Variants in ATP6V0E1 observed in about 807,000 individuals in gnomAD.
ATP6V0E1 encodes the protein V-type proton ATPase subunit e 1.
A neutral mutation model predicts 11.6 loss-of-function variants in ATP6V0E1; 4 were observed. That is an observed-to-expected ratio of 0.35 (90% confidence interval 0.17 to 0.79). The LOEUF is 0.79. Among genes scored for constraint, ATP6V0E1 ranks in the 30% least tolerant of loss-of-function variants. The pLI, the probability that ATP6V0E1 is intolerant of heterozygous loss-of-function variation, is 0.54. For missense variants in ATP6V0E1, 105 were observed against 100.0 expected (o/e 1.05, Z -0.21); for synonymous variants, 36 against 34.8 (o/e 1.04, Z -0.13).
At chr5:172,986,669 C>A in intron 1 of ATP6V0E1, 1 of 445,076 alleles carries the variant, frequency 2.2e-6, no homozygotes, top group South Asian at 1.6e-5. Flanking sequence ...GGGGAAGAGG[C>A]TGCAGGCACC....
At chr5:173,009,569 AT>A (rs1756285339) in intron 2 of ATP6V0E1, among the ~76,000 whole-genome samples, 1 of 144,182 alleles carries the variant, frequency 6.9e-6, no homozygotes, top group Non-Finnish European at 1.5e-5. Context: ...TGTTCAAGTG[AT>A]TCTCGTGCCT....
intron 2 of ATP6V0E1, among the ~76,000 whole-genome samples, chr5:172,998,597 GA>G (rs1183336785): frequency 7.1e-6 from 1 of 141,556 alleles, no homozygotes; most frequent in African/African-American, 2.7e-5. Flanking sequence ...GCATCAGAGT[GA>G]GACTCCATCT....
chr5:173,012,925 C>T (rs1326205599), intron 2 of ATP6V0E1, among the ~76,000 whole-genome samples: 1 of 152,108 alleles, frequency 6.6e-6, no homozygotes, highest in Non-Finnish European at 1.5e-5. Context: ...GTAATCCCAG[C>T]ACTTTGGGAG....
intron 3 of ATP6V0E1, among the ~76,000 whole-genome samples, chr5:173,027,254 G>A (rs1436562022): frequency 1.4e-5 from 2 of 145,096 alleles, no homozygotes; most frequent in Non-Finnish European, 3.0e-5. Context: ...TTGGGAGGCC[G>A]AGGCGGGTGG....
chr5:173,020,785 G>A (rs367721000), intron 3 of ATP6V0E1: 1 of 519,378 alleles, frequency 1.9e-6, no homozygotes, highest in Admixed American at 1.9e-5. Context: ...TACACTGCTG[G>A]GAGAGGAATG....
At chr5:173,021,666 C>T (rs146195045) in intron 3 of ATP6V0E1, among the ~76,000 whole-genome samples, 218 of 152,276 alleles carry the variant, frequency 1.4e-3, no homozygotes, top group Non-Finnish European at 2.6e-3. Context: ...AAACACCTCC[C>T]ACCAGGCCCC....
chr5:173,031,898 G>A (rs916433098), intron 3 of ATP6V0E1, among the ~76,000 whole-genome samples: 6 of 151,124 alleles, frequency 4.0e-5, no homozygotes, highest in Admixed American at 1.3e-4. Context: ...TAATCCCAGC[G>A]CTTTGGGAGG....
intron 1 of ATP6V0E1, among the ~76,000 whole-genome samples, chr5:172,991,331 T>G (rs1755974631): frequency 6.6e-6 from 1 of 152,198 alleles, no homozygotes; most frequent in African/African-American, 2.4e-5. Flanking sequence ...AGACCAAGCA[T>G]ATTAGGAGCT....
chr5:173,032,236 T>C (rs1267575925), intron 3 of ATP6V0E1, among the ~76,000 whole-genome samples: 1 of 16,828 alleles, frequency 5.9e-5, no homozygotes, highest in Non-Finnish European at 1.0e-4. Flanking sequence ...AATGCACATT[T>C]ACTTTTATTT....
chr5:172,985,685 C>A (rs921021046), intron 1 of ATP6V0E1, among the ~76,000 whole-genome samples: 2 of 152,196 alleles, frequency 1.3e-5, no homozygotes, highest in African/African-American at 2.4e-5. Context: ...TTCTTAAAGA[C>A]CATTCTCTCC....
intron 3 of ATP6V0E1, among the ~76,000 whole-genome samples, chr5:173,021,611 C>CA (rs1328671760): frequency 1.3e-5 from 2 of 152,050 alleles, no homozygotes; most frequent in Admixed American, 6.6e-5. Flanking sequence ...CAAACCATAT[C>CA]AGGAGGGTAC....
At position 173,033,700 on chromosome 5, in the gene ATP6V0E1, C is replaced by T. The variant is rs1437144120; in HGVS notation, c.*37-699C>T. Among the ~76,000 whole-genome samples the T allele has an allele frequency of 2.6e-5, 4 of 151,888 alleles. No homozygotes were observed. The East Asian group carries it at 5.8e-4, about 22-fold the overall frequency. ...TCTACAAAAAAATATAAAAATTAGC[C>T]GAATGTGTTGGCGTGCACCTGTAGT... On this transcript the variant is annotated intron_variant, in intron 3 of 3. Transcript: ENST00000519374.
chr5:173,024,846 C>CTTTT (rs542062411), intron 3 of ATP6V0E1, among the ~76,000 whole-genome samples: 1 of 136,218 alleles, frequency 7.3e-6, no homozygotes. Flanking sequence ...TTTCTTTTTT[C>CTTTT]TTTTTTTTTT....
chr5:173,030,945 T>G, intron 3 of ATP6V0E1, among the ~76,000 whole-genome samples: 1 of 150,946 alleles, frequency 6.6e-6, no homozygotes, highest in South Asian at 2.1e-4. Flanking sequence ...ATTTATTTAT[T>G]TATTTATTTA....
chr5:173,004,416 G>A (rs1343450115), intron 2 of ATP6V0E1, among the ~76,000 whole-genome samples: 2 of 152,174 alleles, frequency 1.3e-5, no homozygotes, highest in East Asian at 3.9e-4. Context: ...CTGGTGAGAA[G>A]GGATGGGAAG....
intron 3 of ATP6V0E1, among the ~76,000 whole-genome samples, chr5:173,025,836 T>C (rs1756551141): frequency 6.6e-6 from 1 of 152,022 alleles, no homozygotes; most frequent in Non-Finnish European, 1.5e-5. Flanking sequence ...CTAATAGATA[T>C]GAGCTCATCA....
chr5:173,032,965 G>A (rs1410722461), intron 3 of ATP6V0E1, among the ~76,000 whole-genome samples: 4 of 152,144 alleles, frequency 2.6e-5, no homozygotes, highest in Non-Finnish European at 2.9e-5. Context: ...GCATGATGGC[G>A]TGGGCCTATA....
At chr5:172,986,342 A>G (rs1267189643) in intron 1 of ATP6V0E1, among the ~76,000 whole-genome samples, 1 of 152,212 alleles carries the variant, frequency 6.6e-6, no homozygotes, top group Non-Finnish European at 1.5e-5. Flanking sequence ...CTTGGCTTAA[A>G]ACACAAGCAA....
At chr5:173,022,820 A>C (rs1031931999) in intron 3 of ATP6V0E1, among the ~76,000 whole-genome samples, 5 of 150,914 alleles carry the variant, frequency 3.3e-5, no homozygotes, top group African/African-American at 1.2e-4. Context: ...TTGAATAGAG[A>C]CAAGGTCTTA....
Sources: gnomAD v4.1 joint callset for allele counts (sites outside exome capture counted in the v4.1 genomes callset) on GRCh38, gnomAD v4.1.1 for gene constraint, MANE v1.5 for transcripts, NCBI Gene and HGNC (gene_info 2026-07-23, HGNC 2026-07-21) for gene names.